Variants in MYO5B observed in about 807,000 individuals in gnomAD.
MYO5B encodes the protein myosin VB.
MYO5B carries 143 observed loss-of-function variants against 229.3 expected under a neutral mutation model. The observed-to-expected ratio is 0.62, with a 90% CI of 0.54 to 0.72. MYO5B has a LOEUF of 0.72. MYO5B is among the 30% of genes least tolerant of loss of function. The pLI is 0.00. For synonymous variants in MYO5B, 918 were observed against 885.2 expected, an observed-to-expected ratio of 1.04 and a Z score of -0.66; for missense variants, 2,321 against 2,331.0, an observed-to-expected ratio of 1.00 and a Z score of 0.09.
intron 4 of MYO5B, among the ~76,000 whole-genome samples, chr18:50,029,118 A>C (rs2026362163): frequency 6.6e-6 from 1 of 152,230 alleles, no homozygotes; most frequent in African/African-American, 2.4e-5. Flanking sequence ...TTTTAACAAT[A>C]AAACTAGCAA....
intron 1 of MYO5B, among the ~76,000 whole-genome samples, chr18:50,190,783 T>C (rs2033215968): frequency 6.6e-6 from 1 of 152,248 alleles, no homozygotes; most frequent in Non-Finnish European, 1.5e-5. Flanking sequence ...TACAAGCTAA[T>C]ATATATTTAA....
At chr18:49,985,838 C>T (rs1295277556) in intron 7 of MYO5B, among the ~76,000 whole-genome samples, 1 of 152,164 alleles carries the variant, frequency 6.6e-6, no homozygotes, top group African/African-American at 2.4e-5. Flanking sequence ...ACTGCAACTC[C>T]CAGTGCTCCT....
At chr18:49,939,074 T>C (rs560901108) in intron 14 of MYO5B, among the ~76,000 whole-genome samples, 7 of 152,208 alleles carry the variant, frequency 4.6e-5, no homozygotes, top group African/African-American at 1.7e-4. Context: ...GTGTCCAGCA[T>C]ATAGGGCTCA....
At chr18:50,137,287 G>A (rs1397678) in intron 1 of MYO5B, among the ~76,000 whole-genome samples, 101,048 of 152,162 alleles carry the variant, frequency 0.66, 34,829 homozygotes, top group Admixed American at 0.77. Context: ...TTGAACAAAC[G>A]TTATTTCAGG....
chr18:50,060,131 G>C (rs906887131), intron 1 of MYO5B, among the ~76,000 whole-genome samples: 1 of 152,164 alleles, frequency 6.6e-6, no homozygotes, highest in African/African-American at 2.4e-5. Context: ...TGTACTAAAA[G>C]CCAAATTGTT....
rs1350233832 is a variant in MYO5B, at chr18:49,823,574, C to G, written c.*2897G>C. 1 of 121,776 alleles carries G rather than the reference C, an allele frequency of 8.2e-6. No individual in the cohort carries two copies. The highest frequency in any genetic ancestry group is 1.8e-5 in the Non-Finnish European group (1 of 56,104). 7.5% of individuals were successfully genotyped at this position (121,776 alleles called of 1,614,324 possible). On this transcript the variant is annotated 3_prime_UTR_variant, in exon 40 of 40. Coordinates refer to ENST00000285039, the MANE Select transcript of MYO5B (RefSeq NM_001080467.3). ...GTTGATTTTTAACTGTTCCAAGCTC[C>G]TAGTTTTGTTTTGTTTTTACAAAAG...
rs1220744476 is a variant in MYO5B at position 49,890,399 on chromosome 18, C to G, written c.3045+4542G>C. The stretch of plus-strand genomic sequence containing the variant: ...GGACTGGGGGAGTGGTTAGTCTTAA[C>G]TCTTGCAGGCAACATTACTCAGTGT... On this transcript the variant is annotated intron_variant, in intron 22 of 39. Transcript: ENST00000285039. Among the ~76,000 whole-genome samples, 3 of 152,144 alleles carry G rather than the reference C, an allele frequency of 2.0e-5. No individual in the cohort carries two copies. In the East Asian group the frequency reaches 5.8e-4, roughly 29 times the overall value.
chr18:50,013,651 G>A (rs117180103), intron 4 of MYO5B, among the ~76,000 whole-genome samples: 4,141 of 152,224 alleles, frequency 0.027, 74 homozygotes, highest in Non-Finnish European at 0.042. Flanking sequence ...AGATGTAAGT[G>A]GCCAAGAGTT....
In MYO5B at chr18:49,952,911, C is replaced by A. The variant is rs1040098617; in HGVS notation, c.1752+349G>T. Among the ~76,000 whole-genome samples the A allele has an allele frequency of 3.3e-5, 5 of 151,966 alleles. No homozygotes were observed. In the East Asian group the frequency reaches 9.7e-4, roughly 29 times the overall value. ...CGGAGGACAGATGACATGATGGACA[C>A]CAGCCACATTTCCATCACTGCGCTC... On this transcript the variant is annotated intron_variant, in intron 14 of 39. Coordinates refer to ENST00000285039, the MANE Select transcript of MYO5B (RefSeq NM_001080467.3).
At chr18:49,975,331 T>C (rs1756175728) in intron 9 of MYO5B, among the ~76,000 whole-genome samples, 1 of 152,206 alleles carries the variant, frequency 6.6e-6, no homozygotes, top group Non-Finnish European at 1.5e-5. Flanking sequence ...GATTCTCTTC[T>C]GGGTGGGTAG....
At position 49,947,542 on chromosome 18, in the gene MYO5B, T is replaced by C. The variant is rs145657334; in HGVS notation, c.1752+5718A>G. Among the ~76,000 whole-genome samples, 485 of 152,316 alleles carry C rather than the reference T, an allele frequency of 3.2e-3. 2 individuals are homozygous for C. The highest frequency in any genetic ancestry group is 0.011 in the African/African-American group (451 of 41,560). Reference sequence around the variant, plus strand: ...ATGGGGTACCTAGTTTTGACATATATAGTGTATAGTAATCAGATCAGGGCA... The same window carrying C: ...ATGGGGTACCTAGTTTTGACATATACAGTGTATAGTAATCAGATCAGGGCA... On this transcript the variant is annotated intron_variant, in intron 14 of 39. Transcript: ENST00000285039.
chr18:50,104,647 T>C (rs952012617), intron 1 of MYO5B, among the ~76,000 whole-genome samples: 1 of 152,190 alleles, frequency 6.6e-6, no homozygotes, highest in African/African-American at 2.4e-5. Flanking sequence ...TAATGACTAA[T>C]GTACTTCATA....
chr18:50,076,706 T>C (rs73446655), intron 1 of MYO5B, among the ~76,000 whole-genome samples: 14,177 of 152,196 alleles, frequency 0.093, 1,214 homozygotes, highest in African/African-American at 0.23. Context: ...CCACACCTGG[T>C]CCACTGCCCC....
At chr18:50,168,102 C>G (rs954548926) in intron 1 of MYO5B, among the ~76,000 whole-genome samples, 1 of 152,206 alleles carries the variant, frequency 6.6e-6, no homozygotes, top group Admixed American at 6.5e-5. Flanking sequence ...TTATTCAGCA[C>G]TGCATTGATA....
intron 4 of MYO5B, among the ~76,000 whole-genome samples, chr18:50,009,787 C>CA (rs373921684): frequency 6.6e-6 from 1 of 152,310 alleles, no homozygotes; most frequent in African/African-American, 2.4e-5. Flanking sequence ...CGGAATGTTC[C>CA]AAGCAAGAGA....
chr18:50,027,687 C>T (rs777104360), intron 4 of MYO5B, among the ~76,000 whole-genome samples: 12 of 152,096 alleles, frequency 7.9e-5, no homozygotes, highest in Non-Finnish European at 1.5e-4. Flanking sequence ...AAAAACTGCT[C>T]CATGCACATT....
At chr18:49,990,894 G>A (rs975946080) in intron 6 of MYO5B, among the ~76,000 whole-genome samples, 16 of 152,166 alleles carry the variant, frequency 1.1e-4, no homozygotes, top group Non-Finnish European at 1.5e-4. Context: ...GTGAGCTCCC[G>A]TTCTCCTCTG....
intron 2 of MYO5B, among the ~76,000 whole-genome samples, chr18:50,050,756 C>T (rs1008838625): frequency 1.3e-5 from 2 of 152,172 alleles, no homozygotes; most frequent in Non-Finnish European, 2.9e-5. Flanking sequence ...GTAACACTGC[C>T]AGCACTGGAG....
intron 5 of MYO5B, among the ~76,000 whole-genome samples, chr18:49,994,704 A>G (rs938143454): frequency 6.6e-6 from 1 of 152,148 alleles, no homozygotes; most frequent in Non-Finnish European, 1.5e-5. Context: ...CGCTCCTGGC[A>G]CCCACCAACC....
Sources: gnomAD v4.1 joint callset for allele counts (sites outside exome capture counted in the v4.1 genomes callset) on GRCh38, gnomAD v4.1.1 for gene constraint, MANE v1.5 for transcripts, NCBI Gene and HGNC (gene_info 2026-07-23, HGNC 2026-07-21) for gene names.